Variants in IRAK3 observed in about 807,000 individuals in gnomAD.
The protein encoded by IRAK3 is interleukin-1 receptor-associated kinase 3.
In IRAK3, 57 loss-of-function variants were observed where a neutral mutation model predicts 56.6. That is an observed-to-expected ratio of 1.01 (90% CI 0.81 to 1.26). The LOEUF (loss-of-function observed/expected upper bound fraction) is 1.26. IRAK3 is among the 50% of genes most tolerant of loss of function. The probability of loss-of-function intolerance (pLI) is 0.00; values close to 1 mark genes in which losing one functional copy is unlikely to be tolerated. For synonymous variants in IRAK3, 258 were observed against 255.7 expected, an observed-to-expected ratio of 1.01 and a Z score of -0.09; for missense variants, 703 against 719.0, an observed-to-expected ratio of 0.98 and a Z score of 0.25.
chr12:66,197,515 C>G, intron 1 of IRAK3: 1 of 984,926 alleles, frequency 1.0e-6, no homozygotes, highest in Non-Finnish European at 1.2e-6. Flanking sequence ...AATGCATCAT[C>G]ATTAGAGAAA....
intron 5 of IRAK3, among the ~76,000 whole-genome samples, chr12:66,214,896 G>T (rs776062236): frequency 6.6e-6 from 1 of 152,204 alleles, no homozygotes; most frequent in Non-Finnish European, 1.5e-5. Flanking sequence ...GAGACGAGGT[G>T]AAGTGGACCA....
At chr12:66,220,082 G>A (rs2052715548) in intron 6 of IRAK3, among the ~76,000 whole-genome samples, 1 of 151,944 alleles carries the variant, frequency 6.6e-6, no homozygotes, top group South Asian at 2.1e-4. Flanking sequence ...TTTTGCTTTT[G>A]TCACCTATGC....
chr12:66,237,462 T>G (rs578177216), intron 8 of IRAK3, among the ~76,000 whole-genome samples: 38 of 152,314 alleles, frequency 2.5e-4, no homozygotes, highest in African/African-American at 8.7e-4. Flanking sequence ...TAAAAGCTCA[T>G]TTCATTTCTC....
Position 66,226,815 on chromosome 12 carries a change from T to A in IRAK3, c.746T>A (p.Leu249His). The A allele has an allele frequency of 6.3e-7, 1 of 1,590,146 alleles. No individual in the cohort carries two copies. The highest frequency in any genetic ancestry group is 8.6e-7 in the Non-Finnish European group (1 of 1,158,188). The change falls in exon 7 of 12, where the codon CTT becomes CAT. Residue 249 changes from leucine to histidine, a missense_variant. Transcript: ENST00000261233. ...TATCCATACATGAGAAATGGAACAC[T>A]TTTTGACAGATTGCAGTGTGTAGTA... is the stretch of plus-strand genomic sequence containing the variant. ...LIYPYMRNGT[L>H]FDRLQCVGDT...
rs1225435769 is a variant in IRAK3, at chr12:66,215,790, A to ACGTGCGCGCGCGCGCGCGCGCG, written c.589-1380_589-1379insGTGCGCGCGCGCGCGCGCGCGC. 6.5e-3 allele frequency among the ~76,000 whole-genome samples: 667 copies of ACGTGCGCGCGCGCGCGCGCGCG among 103,086 alleles called. 14 individuals carry two copies. The highest frequency in any genetic ancestry group is 0.019 in the African/African-American group (635 of 32,588). 67.6% of individuals were successfully genotyped at this position (103,086 alleles called of 152,430 possible). A position where few individuals can be genotyped will look rare whatever the true frequency, so the allele number is the denominator to read the frequency against. The stretch of plus-strand genomic sequence containing the variant: ...CCCCCTATTTTAACCCAACATGCAC[A>ACGTGCGCGCGCGCGCGCGCGCG]CACACACACACACACACACACACAC... On this transcript the variant is annotated intron_variant, in intron 5 of 11. Coordinates refer to ENST00000261233, the MANE Select transcript of IRAK3 (RefSeq NM_007199.3).
At chr12:66,195,514 C>G (rs185818052) in intron 1 of IRAK3, among the ~76,000 whole-genome samples, 6 of 152,290 alleles carry the variant, frequency 3.9e-5, no homozygotes, top group African/African-American at 1.4e-4. Context: ...CTTTCTTCTC[C>G]CTCTTGTTTG....
intron 1 of IRAK3, among the ~76,000 whole-genome samples, chr12:66,202,174 G>A (rs2052514282): frequency 6.6e-6 from 1 of 152,188 alleles, no homozygotes; most frequent in African/African-American, 2.4e-5. Context: ...AGAAGCATCA[G>A]AATAAATTCT....
At chr12:66,193,003 A>G (rs2052413515) in intron 1 of IRAK3, among the ~76,000 whole-genome samples, 1 of 150,862 alleles carries the variant, frequency 6.6e-6, no homozygotes, top group Admixed American at 6.6e-5. Context: ...GTGTTTTTTT[A>G]TGTTATTATT....
chr12:66,214,539 A>AAAAATAAAACAAAAC (rs2052646839), intron 5 of IRAK3, among the ~76,000 whole-genome samples: 2 of 147,882 alleles, frequency 1.4e-5, no homozygotes, highest in Non-Finnish European at 3.0e-5. Context: ...AGACCCTATC[A>AAAAATAAAACAAAAC]AAAACAAAAC....
chr12:66,227,777 AAGAG>A (rs2052802900), intron 7 of IRAK3, among the ~76,000 whole-genome samples: 2 of 150,818 alleles, frequency 1.3e-5, no homozygotes, highest in African/African-American at 2.4e-5. Flanking sequence ...AAAAAAAAAA[AAGAG>A]AGAGAGACAG....
At chr12:66,235,443 C>T (rs1592598984) in intron 8 of IRAK3, among the ~76,000 whole-genome samples, 1 of 151,502 alleles carries the variant, frequency 6.6e-6, no homozygotes, top group African/African-American at 2.4e-5. Context: ...CCGGCGGGGG[C>T]TGCAGCTCCG....
intron 2 of IRAK3, among the ~76,000 whole-genome samples, chr12:66,205,245 A>G (rs1393543748): frequency 6.6e-6 from 1 of 152,222 alleles, no homozygotes; most frequent in African/African-American, 2.4e-5. Flanking sequence ...GCAGAGAATA[A>G]TGTGGACTGT....
intron 8 of IRAK3, chr12:66,234,892 C>G: frequency 6.2e-7 from 1 of 1,614,086 alleles, no homozygotes; most frequent in Non-Finnish European, 8.5e-7. Flanking sequence ...GTTCCTGTTG[C>G]TTTGCCATTT....
Position 66,247,847 on chromosome 12 carries a change from A to G in IRAK3, c.1467A>G (p.Leu489=). Residue 489 remains leucine, a synonymous_variant, in exon 12 of 12, where the codon TTA becomes TTG. Transcript: ENST00000261233. ...ATGATGAAAGCCAGAATAACAATTT[A>G]CTACCTTCTGATGAAGGCCTGAGGA... ...VEDDESQNNN[L]LPSDEGLRID... 1 of 1,614,172 alleles carries G rather than the reference A, an allele frequency of 6.2e-7. No homozygotes were observed. Among genetic ancestry groups the G allele is most frequent in the Non-Finnish European group, 8.5e-7 (1 of 1,179,984 alleles).
At chr12:66,214,329 G>A (rs1431393641) in intron 5 of IRAK3, among the ~76,000 whole-genome samples, 3 of 151,440 alleles carry the variant, frequency 2.0e-5, no homozygotes, top group African/African-American at 7.3e-5. Context: ...TTCGAGACCA[G>A]ACTGGCCAAC....
chr12:66,229,724 T>C lies in IRAK3; in HGVS notation c.887+1354T>C, dbSNP rs531770843. ...GGTCTTCAGTCAGTGGAGTTATCCG[T>C]TGGAATTGCTTTCAAAGGGCTGAGG... On this transcript the variant is annotated intron_variant, in intron 8 of 11. Transcript: ENST00000261233. 2.5e-4 allele frequency among the ~76,000 whole-genome samples: 38 copies of C among 152,262 alleles called. 1 individual carries two copies. The East Asian group carries it at 7.0e-3, about 28-fold the overall frequency.
chr12:66,213,867 C>T (rs1401321547), intron 5 of IRAK3, among the ~76,000 whole-genome samples: 1 of 151,654 alleles, frequency 6.6e-6, no homozygotes, highest in Non-Finnish European at 1.5e-5. Flanking sequence ...CCAGAGTAAC[C>T]ACTCAGTAAA....
At chr12:66,195,856 T>G (rs2052447080) in intron 1 of IRAK3, among the ~76,000 whole-genome samples, 1 of 151,978 alleles carries the variant, frequency 6.6e-6, no homozygotes, top group East Asian at 1.9e-4. Context: ...GGGGTTTAAC[T>G]ATGTGGGCCA....
chr12:66,239,299 C>CTTTT (rs10677185), intron 8 of IRAK3, among the ~76,000 whole-genome samples: 9 of 144,602 alleles, frequency 6.2e-5, no homozygotes, highest in African/African-American at 1.3e-4. Flanking sequence ...TCAAAATGGA[C>CTTTT]TTTTTTTTTT....
Sources: allele counts gnomAD v4.1 joint callset (sites outside exome capture counted in the v4.1 genomes callset), GRCh38; gene constraint gnomAD v4.1.1; transcripts MANE v1.5; gene names NCBI Gene and HGNC (gene_info 2026-07-23, HGNC 2026-07-21).